Variants in ELAVL4 observed in about 807,000 individuals in gnomAD.
ELAVL4 encodes ELAV like RNA binding protein 4, also known as ELAV-like protein 4.
In ELAVL4, 1 loss-of-function variant was observed where a neutral mutation model predicts 35.6. The ratio of observed to expected loss-of-function variants is 0.03; its 90% confidence interval spans 0.01 to 0.13. ELAVL4 has a LOEUF of 0.13. ELAVL4 is among the 10% of genes least tolerant of loss of function. The pLI is 1.00. For synonymous variants in ELAVL4, 156 were observed against 171.0 expected (o/e 0.91, Z 0.69); for missense variants, 267 against 464.9 (o/e 0.57, Z 3.91).
intron 2 of ELAVL4, among the ~76,000 whole-genome samples, chr1:50,158,723 TCA>T (rs1453172717): frequency 2.0e-5 from 3 of 152,120 alleles, no homozygotes; most frequent in African/African-American, 7.2e-5. Flanking sequence ...TCATAGACTG[TCA>T]CAGTGAAAAG....
intron 2 of ELAVL4, among the ~76,000 whole-genome samples, chr1:50,173,432 A>G (rs777627431): frequency 6.6e-6 from 1 of 152,210 alleles, no homozygotes. Flanking sequence ...TTCTCTTGGA[A>G]AGTACATTCT....
intron 1 of ELAVL4, among the ~76,000 whole-genome samples, chr1:50,131,253 T>C (rs1480323779): frequency 1.3e-5 from 2 of 152,190 alleles, no homozygotes; most frequent in African/African-American, 2.4e-5. Flanking sequence ...TGAATTATAA[T>C]ACAAATGTAA....
intron 1 of ELAVL4, among the ~76,000 whole-genome samples, chr1:50,066,184 A>G (rs1457567040): frequency 6.6e-6 from 1 of 152,162 alleles, no homozygotes; most frequent in Admixed American, 6.5e-5. Context: ...AAGAGAAACA[A>G]ATCGTTGTAT....
chr1:50,076,812 A>C (rs922697479), intron 1 of ELAVL4, among the ~76,000 whole-genome samples: 3 of 152,218 alleles, frequency 2.0e-5, no homozygotes, highest in Admixed American at 6.5e-5. Flanking sequence ...GAACCATAAT[A>C]GTTGCTTGAT....
At position 50,051,720 on chromosome 1, in the gene ELAVL4, G is replaced by A. The variant is rs139888892; in HGVS notation, c.18+3538G>A. On this transcript the variant is annotated intron_variant, in intron 1 of 6. Coordinates refer to the ELAVL4 transcript ENST00000448907. The stretch of plus-strand genomic sequence containing the variant: ...CTTGTGATTTTTTTATTGGGAACTG[G>A]ATTTTTAAAATCTATTTCATCTTTT... Among the ~76,000 whole-genome samples, 846 of 152,238 alleles carry A rather than the reference G, an allele frequency of 5.6e-3. 3 individuals are homozygous for A. Among genetic ancestry groups the A allele is most frequent in the Non-Finnish European group, 9.0e-3 (614 of 67,978 alleles).
intron 2 of ELAVL4, among the ~76,000 whole-genome samples, chr1:50,171,363 C>T (rs1678978939): frequency 6.6e-6 from 1 of 152,186 alleles, no homozygotes; most frequent in South Asian, 2.1e-4. Context: ...ACTGAGATAT[C>T]CAACAGACTG....
Position 50,203,533 on chromosome 1 carries a change from A to G in ELAVL4, c.*2355A>G, listed in dbSNP as rs1644471430. 4 of 152,104 alleles carry G rather than the reference A, an allele frequency of 2.6e-5. No homozygotes were observed. The South Asian group carries it at 8.3e-4, about 32-fold the overall frequency. 9.4% of individuals were successfully genotyped at this position (152,104 alleles called of 1,614,324 possible). A position where few individuals can be genotyped will look rare whatever the true frequency, so the allele number is the denominator to read the frequency against. On this transcript the variant is annotated 3_prime_UTR_variant, in exon 7 of 7. Transcript: ENST00000371824. ...ATGCATTTGCTAAGCATTAGTGGGA[A>G]AGGCATGCCAAAATCTTCTCTATAA... is the stretch of plus-strand genomic sequence containing the variant.
At chr1:50,111,615 C>T (rs1667089388) in intron 1 of ELAVL4, among the ~76,000 whole-genome samples, 1 of 151,972 alleles carries the variant, frequency 6.6e-6, no homozygotes, top group African/African-American at 2.4e-5. Flanking sequence ...TCCTTCTTTC[C>T]CCATGCCCAC....
intron 3 of ELAVL4, among the ~76,000 whole-genome samples, chr1:50,186,174 G>C (rs972514520): frequency 1.3e-5 from 2 of 152,156 alleles, no homozygotes; most frequent in African/African-American, 4.8e-5. Context: ...TATGATATTC[G>C]TAGATACCCT....
chr1:50,145,260 A>G (rs564419609), intron 2 of ELAVL4, 63 bp downstream of exon 2: 3 of 1,601,944 alleles, frequency 1.9e-6, no homozygotes, highest in East Asian at 2.2e-5. Context: ...AGAAATGCAC[A>G]TGTGTGATGG....
At chr1:50,166,376 A>G (rs1422373331) in intron 2 of ELAVL4, among the ~76,000 whole-genome samples, 1 of 152,248 alleles carries the variant, frequency 6.6e-6, no homozygotes, top group African/African-American at 2.4e-5. Context: ...TGAGTTAACA[A>G]TACTTAAATG....
At chr1:50,105,920 G>A (rs1377391581), upstream of ELAVL4, 1 of 175,722 alleles carries the variant, frequency 5.7e-6, no homozygotes, top group African/African-American at 2.4e-5. Context: ...AAATCAGCAG[G>A]ACGCTTAATG....
chr1:50,082,340 T>C (rs1001551587), intron 1 of ELAVL4, among the ~76,000 whole-genome samples: 2 of 152,218 alleles, frequency 1.3e-5, no homozygotes, highest in Admixed American at 6.5e-5. Flanking sequence ...CTCCAGCATC[T>C]GTTATTTCCT....
At chr1:50,133,237 G>A (rs1671163436) in intron 1 of ELAVL4, among the ~76,000 whole-genome samples, 1 of 152,186 alleles carries the variant, frequency 6.6e-6, no homozygotes, top group Non-Finnish European at 1.5e-5. Flanking sequence ...AACATAAGAA[G>A]AGATGTGCCA....
rs1443344522 is a variant in ELAVL4, at chr1:50,202,790, A to C, written c.*1612A>C. The C allele has an allele frequency of 1.3e-5, 2 of 152,196 alleles. No individual in the cohort carries two copies. Among genetic ancestry groups the C allele is most frequent in the Non-Finnish European group, 2.9e-5 (2 of 68,030 alleles). The allele number at this position is 152,196 out of a possible 1,614,324, so 9.4% of individuals were successfully genotyped here. A position where few individuals can be genotyped will look rare whatever the true frequency, so the allele number is the denominator to read the frequency against. On this transcript the variant is annotated 3_prime_UTR_variant, in exon 7 of 7. Coordinates refer to ENST00000371824, the MANE Select transcript of ELAVL4 (RefSeq NM_001144774.3). The stretch of plus-strand genomic sequence containing the variant: ...TCTTATGATATTTAAGTGACAGTTA[A>C]AGAGGTATCAAGGTAACTTGTGTAG...
chr1:50,194,977 T>A (rs1415305254), intron 4 of ELAVL4, among the ~76,000 whole-genome samples: 1 of 152,166 alleles, frequency 6.6e-6, no homozygotes, highest in Non-Finnish European at 1.5e-5. Flanking sequence ...TGGGGCCAGA[T>A]TGCCAGAGGC....
At position 50,200,958 on chromosome 1, in the gene ELAVL4, C is replaced by A. The variant is rs1644364705; in HGVS notation, c.881C>A (p.Ser294Tyr). The A allele has an allele frequency of 6.2e-7, 1 of 1,613,982 alleles. No homozygotes were observed. The highest frequency in any genetic ancestry group is 1.7e-5 in the Admixed American group (1 of 60,006). ...TTTGTCTACAACCTGTCCCCCGATTCCGATGAGAGTGTCCTCTGGCAGCTC... is the reference window on the plus strand; with the variant it reads ...TTTGTCTACAACCTGTCCCCCGATTACGATGAGAGTGTCCTCTGGCAGCTC... The part of the protein sequence containing the change: ...CIFVYNLSPD[S>Y]DESVLWQLFG... The change falls in exon 7 of 7, where the codon TCC becomes TAC. Residue 294 changes from serine to tyrosine, a missense_variant. Physicochemically the swap from Ser to Tyr is moderately radical, Grantham distance 144. Transcript: ENST00000371824.
intron 3 of ELAVL4, among the ~76,000 whole-genome samples, chr1:50,187,406 A>G (rs904304760): frequency 2.6e-5 from 4 of 152,176 alleles, no homozygotes; most frequent in Non-Finnish European, 5.9e-5. Context: ...TTTAACCCTC[A>G]AACAGCTCTG....
At chr1:50,085,056 C>T (rs1369790322) in intron 1 of ELAVL4, among the ~76,000 whole-genome samples, 1 of 152,122 alleles carries the variant, frequency 6.6e-6, no homozygotes, top group Non-Finnish European at 1.5e-5. Context: ...TTTGAGGGCT[C>T]TTGCTTCACA....
Sources: allele counts gnomAD v4.1 joint callset (sites outside exome capture counted in the v4.1 genomes callset), GRCh38; gene constraint gnomAD v4.1.1; transcripts MANE v1.5; gene names NCBI Gene and HGNC (gene_info 2026-07-23, HGNC 2026-07-21).